The following BMP5 variants were observed in gnomAD, a reference collection of about 807,000 sequenced individuals.
BMP5 encodes the protein bone morphogenetic protein 5.
BMP5 carries 23 observed loss-of-function variants against 46.6 expected under a neutral mutation model. The ratio of observed to expected loss-of-function variants is 0.49; its 90% CI spans 0.35 to 0.70. The LOEUF (loss-of-function observed/expected upper bound fraction) is 0.70. Among genes scored for constraint, BMP5 ranks in the 30% least tolerant of loss-of-function variants. The probability of loss-of-function intolerance (pLI) is 0.00; values close to 1 mark genes in which losing one functional copy is unlikely to be tolerated. For missense variants in BMP5, 545 were observed against 565.6 expected, an observed-to-expected ratio of 0.96 and a Z score of 0.37; for synonymous variants, 204 against 191.9, an observed-to-expected ratio of 1.06 and a Z score of -0.52.
intron 3 of BMP5, among the ~76,000 whole-genome samples, chr6:55,780,235 C>T (rs746436451): frequency 2.6e-5 from 4 of 151,264 alleles, no homozygotes; most frequent in Non-Finnish European, 4.4e-5. Context: ...AAAAGACGGA[C>T]TGGAAAAATG....
At chr6:55,773,096 T>C (rs530104397) in intron 4 of BMP5, among the ~76,000 whole-genome samples, 11 of 151,948 alleles carry the variant, frequency 7.2e-5, no homozygotes, top group African/African-American at 2.6e-4. Flanking sequence ...TAAAATAATA[T>C]ATATAGGAAT....
intron 1 of BMP5, among the ~76,000 whole-genome samples, chr6:55,837,070 GAGAA>G (rs769023392): frequency 2.3e-4 from 34 of 147,536 alleles, no homozygotes; most frequent in Non-Finnish European, 2.7e-4. Context: ...TTTTTTTCCT[GAGAA>G]AGAGTCTGCT....
intron 4 of BMP5, among the ~76,000 whole-genome samples, chr6:55,763,174 A>G (rs1423639215): frequency 6.6e-6 from 1 of 152,150 alleles, no homozygotes; most frequent in Non-Finnish European, 1.5e-5. Flanking sequence ...AATATTAAAT[A>G]TGAATAACAA....
chr6:55,839,835 T>A (rs1045275134), intron 1 of BMP5, among the ~76,000 whole-genome samples: 3 of 152,176 alleles, frequency 2.0e-5, no homozygotes, highest in African/African-American at 7.2e-5. Flanking sequence ...CATATACCTA[T>A]AACAGGAGCT....
chr6:55,844,459 TTG>T (rs1777048474), intron 1 of BMP5, among the ~76,000 whole-genome samples: 1 of 152,026 alleles, frequency 6.6e-6, no homozygotes, highest in South Asian at 2.1e-4. Context: ...TTACGCATAT[TTG>T]TGAACTTATT....
chr6:55,859,230 T>A (rs1361429521), intron 1 of BMP5, among the ~76,000 whole-genome samples: 3 of 152,184 alleles, frequency 2.0e-5, no homozygotes, highest in Non-Finnish European at 4.4e-5. Flanking sequence ...CTGGGTTCAT[T>A]TTCCTCAGGA....
chr6:55,841,600 G>GTGTTTGTT lies in BMP5; in HGVS notation c.491-21761_491-21754dup, dbSNP rs60374008. On this transcript the variant is annotated intron_variant, in intron 1 of 6. Transcript: ENST00000370830. ...TCAAGGTGTCACAGGTCTGGTGGTG[G>GTGTTTGTT]TGTTTGTTTGTTTGTTTGTTTGTTT... 5.6e-4 allele frequency among the ~76,000 whole-genome samples: 84 copies of GTGTTTGTT among 150,748 alleles called. No homozygotes were observed. In the South Asian group the frequency reaches 5.7e-3, roughly 10 times the overall value.
intron 2 of BMP5, among the ~76,000 whole-genome samples, chr6:55,797,855 A>C (rs1562042874): frequency 6.6e-6 from 1 of 152,098 alleles, no homozygotes; most frequent in East Asian, 1.9e-4. Flanking sequence ...TGACCTCGTC[A>C]TCCACCCACC....
intron 4 of BMP5, among the ~76,000 whole-genome samples, chr6:55,767,975 G>A (rs950945083): frequency 3.3e-5 from 5 of 151,908 alleles, no homozygotes; most frequent in South Asian, 2.1e-4. Flanking sequence ...CAAAAGAGAT[G>A]AGAGAGAGGT....
intron 1 of BMP5, among the ~76,000 whole-genome samples, chr6:55,834,969 C>A (rs1258359774): frequency 6.6e-6 from 1 of 151,872 alleles, no homozygotes; most frequent in Non-Finnish European, 1.5e-5. Context: ...GCCTATAATC[C>A]CAGCTAGTCA....
intron 2 of BMP5, among the ~76,000 whole-genome samples, chr6:55,806,229 T>C (rs1338390590): frequency 2.0e-5 from 3 of 152,216 alleles, no homozygotes; most frequent in East Asian, 1.9e-4. Flanking sequence ...TCAGTCCATC[T>C]TGAGTTAATT....
intron 3 of BMP5, among the ~76,000 whole-genome samples, chr6:55,782,217 C>T (rs953479929): frequency 3.3e-5 from 5 of 152,054 alleles, no homozygotes; most frequent in African/African-American, 1.2e-4. Flanking sequence ...TGTACACATG[C>T]ATTGAAACAC....
intron 1 of BMP5, among the ~76,000 whole-genome samples, chr6:55,822,707 A>C (rs2127539576): frequency 6.6e-6 from 1 of 152,244 alleles, no homozygotes; most frequent in African/African-American, 2.4e-5. Flanking sequence ...CATGTTATGT[A>C]ATCTACCGTT....
At chr6:55,849,110 T>A (rs1562069114) in intron 1 of BMP5, among the ~76,000 whole-genome samples, 1 of 152,106 alleles carries the variant, frequency 6.6e-6, no homozygotes, top group East Asian at 1.9e-4. Flanking sequence ...AGCTAAATGG[T>A]CCATCATTTA....
chr6:55,786,735 T>C (rs752001302), intron 3 of BMP5, among the ~76,000 whole-genome samples: 2 of 151,658 alleles, frequency 1.3e-5, no homozygotes, highest in Non-Finnish European at 3.0e-5. Flanking sequence ...CATAAGTGTA[T>C]ATCTTCTTTT....
chr6:55,847,950 A>G (rs1175547035), intron 1 of BMP5, among the ~76,000 whole-genome samples: 1 of 151,984 alleles, frequency 6.6e-6, no homozygotes, highest in African/African-American at 2.4e-5. Flanking sequence ...TACTTCAATT[A>G]ATTTTCCTTA....
intron 1 of BMP5, among the ~76,000 whole-genome samples, chr6:55,841,403 C>G (rs1291434485): frequency 1.3e-5 from 2 of 152,062 alleles, no homozygotes; most frequent in Non-Finnish European, 2.9e-5. Flanking sequence ...AATTTTGATT[C>G]TCTTTTCTTC....
intron 1 of BMP5, among the ~76,000 whole-genome samples, chr6:55,836,176 G>A (rs936043870): frequency 6.6e-6 from 1 of 152,094 alleles, no homozygotes; most frequent in Non-Finnish European, 1.5e-5. Flanking sequence ...TGTTTATTGA[G>A]TGCGTAAAGT....
At chr6:55,872,286 A>G (rs2127556942) in intron 1 of BMP5, among the ~76,000 whole-genome samples, 1 of 151,828 alleles carries the variant, frequency 6.6e-6, no homozygotes, top group South Asian at 2.1e-4. Context: ...TTTAGTTTGG[A>G]ATTATTAAAT....
Sources: allele counts gnomAD v4.1 joint callset (sites outside exome capture counted in the v4.1 genomes callset), GRCh38; gene constraint gnomAD v4.1.1; transcripts MANE v1.5; gene names NCBI Gene and HGNC (gene_info 2026-07-23, HGNC 2026-07-21).